CSMD1: variants seen among roughly 807,000 people sequenced by gnomAD.
CSMD1 encodes CUB and Sushi multiple domains 1, also known as CUB and sushi domain-containing protein 1.
CSMD1 carries 213 observed loss-of-function variants against 417.5 expected under a neutral mutation model. That is an observed-to-expected ratio of 0.51 (90% CI 0.46 to 0.57). CSMD1 has a LOEUF of 0.57. Ranked by LOEUF, CSMD1 falls within the 20% of genes least tolerant of loss-of-function variation. The probability of loss-of-function intolerance (pLI) is 0.00; values close to 1 mark genes in which losing one functional copy is unlikely to be tolerated. For missense variants in CSMD1, 6,923 were observed against 4,529.7 expected (o/e 1.53, Z -15.17); for synonymous variants, 2,862 against 1,736.8 (o/e 1.65, Z -16.11).
chr8:3,865,464 C>G (rs112148054), intron 5 of CSMD1, among the ~76,000 whole-genome samples: 44 of 151,830 alleles, frequency 2.9e-4, no homozygotes, highest in African/African-American at 1.0e-3. Context: ...AGGTGCTCTT[C>G]AGAGATGGGA....
intron 21 of CSMD1, among the ~76,000 whole-genome samples, chr8:3,351,309 C>T (rs986084630): frequency 1.3e-5 from 2 of 152,040 alleles, no homozygotes; most frequent in African/African-American, 2.4e-5. Flanking sequence ...TATTAAATTG[C>T]TATGAAAGTA....
chr8:4,178,350 T>C (rs539866622), intron 3 of CSMD1, among the ~76,000 whole-genome samples: 273 of 151,244 alleles, frequency 1.8e-3, no homozygotes, highest in African/African-American at 6.5e-3. Context: ...TCTCAATAGA[T>C]GCAGAAAAGG....
chr8:3,078,219 C>A (rs1275585813), intron 49 of CSMD1, among the ~76,000 whole-genome samples: 1 of 152,266 alleles, frequency 6.6e-6, no homozygotes, highest in Middle Eastern at 3.4e-3. Flanking sequence ...AGGTCAAGGT[C>A]TTCATATCAC....
At chr8:3,448,799 C>G (rs1423130611) in intron 12 of CSMD1, among the ~76,000 whole-genome samples, 1 of 152,164 alleles carries the variant, frequency 6.6e-6, no homozygotes, top group African/African-American at 2.4e-5. Flanking sequence ...GTGACTTATT[C>G]TCAGTTATAT....
At chr8:4,342,980 T>C (rs564549562) in intron 3 of CSMD1, among the ~76,000 whole-genome samples, 2 of 152,190 alleles carry the variant, frequency 1.3e-5, no homozygotes, top group East Asian at 3.9e-4. Context: ...AGGTAGAGAA[T>C]TCCAAGCTGT....
intron 3 of CSMD1, among the ~76,000 whole-genome samples, chr8:4,036,931 T>G (rs535743707): frequency 2.0e-4 from 31 of 151,490 alleles, no homozygotes; most frequent in African/African-American, 7.3e-4. Context: ...GCATGTGCCC[T>G]GGATCCTAGT....
At chr8:4,471,848 T>C (rs551127482) in intron 2 of CSMD1, among the ~76,000 whole-genome samples, 1 of 152,122 alleles carries the variant, frequency 6.6e-6, no homozygotes, top group East Asian at 1.9e-4. Flanking sequence ...AAGGAAGGTG[T>C]TTTCAATGAT....
intron 3 of CSMD1, among the ~76,000 whole-genome samples, chr8:4,315,447 G>C (rs562850921): frequency 2.0e-5 from 3 of 151,674 alleles, no homozygotes; most frequent in African/African-American, 7.3e-5. Flanking sequence ...ATAAATCAGT[G>C]AATGCAAAAA....
chr8:2,966,847 T>G (rs576876891), intron 57 of CSMD1, 101 bp from the exon 58 acceptor site: 25 of 1,074,882 alleles, frequency 2.3e-5, no homozygotes, highest in Non-Finnish European at 3.3e-5. Context: ...GACTACACAT[T>G]TATTACAAAC....
chr8:4,811,240 A>ATTCAATTTTATTGAAT lies in CSMD1; in HGVS notation c.86-173698_86-173683dup, dbSNP rs1798885197. On this transcript the variant is annotated intron_variant, in intron 1 of 69. Coordinates refer to ENST00000635120, the MANE Select transcript of CSMD1 (RefSeq NM_033225.6). ...AGGTTCAACAAGAGAACTGAAGACAATTCAATTTTATTGAATTTCAATTTA... is the reference window on the plus strand; with the variant it reads ...AGGTTCAACAAGAGAACTGAAGACAATTCAATTTTATTGAATTTCAATTTTATTGAATTTCAATTTA... Among the ~76,000 whole-genome samples the ATTCAATTTTATTGAAT allele has an allele frequency of 2.6e-5, 4 of 152,318 alleles. No individual in the cohort carries two copies. In the East Asian group the frequency reaches 7.7e-4, roughly 29 times the overall value.
intron 2 of CSMD1, among the ~76,000 whole-genome samples, chr8:4,569,551 G>C (rs919525761): frequency 6.6e-6 from 1 of 152,130 alleles, no homozygotes; most frequent in Non-Finnish European, 1.5e-5. Flanking sequence ...CTCTTGTCTT[G>C]TAATATAGTT....
chr8:3,299,057 A>C (rs1804183565), intron 25 of CSMD1, among the ~76,000 whole-genome samples: 1 of 152,172 alleles, frequency 6.6e-6, no homozygotes, highest in Non-Finnish European at 1.5e-5. Context: ...TGATACAACA[A>C]AACTTAAATG....
At chr8:3,955,845 C>T (rs368942660) in intron 5 of CSMD1, among the ~76,000 whole-genome samples, 1 of 152,230 alleles carries the variant, frequency 6.6e-6, no homozygotes, top group Non-Finnish European at 1.5e-5. Context: ...CCCTGCCACA[C>T]TGAGATCTCT....
At chr8:3,016,668 T>A (rs1375091970) in intron 52 of CSMD1, among the ~76,000 whole-genome samples, 1 of 152,236 alleles carries the variant, frequency 6.6e-6, no homozygotes, top group Non-Finnish European at 1.5e-5. Flanking sequence ...ATACTCTATG[T>A]CTCTTCCAAT....
intron 6 of CSMD1, among the ~76,000 whole-genome samples, chr8:3,714,779 T>C (rs532142807): frequency 7.2e-5 from 11 of 152,058 alleles, no homozygotes; most frequent in African/African-American, 2.7e-4. Context: ...TAATGGCTTA[T>C]TGGTTATTTG....
In CSMD1 at chr8:3,167,959, G is replaced by A. The variant is rs972262209; in HGVS notation, c.5726-5682C>T. Among the ~76,000 whole-genome samples, 15 of 151,994 alleles carry A rather than the reference G, an allele frequency of 9.9e-5. No individual in the cohort carries two copies. In the South Asian group the frequency reaches 2.9e-3, roughly 29 times the overall value. ...CAAATACTTAAAACAGGACAAATGG[G>A]ACTTTTGTAGATATTATGAACTGAA... On this transcript the variant is annotated intron_variant, in intron 37 of 69. Coordinates refer to ENST00000635120, the MANE Select transcript of CSMD1 (RefSeq NM_033225.6).
chr8:4,355,709 A>G (rs915550070), intron 3 of CSMD1, among the ~76,000 whole-genome samples: 18 of 152,188 alleles, frequency 1.2e-4, no homozygotes, highest in African/African-American at 4.1e-4. Flanking sequence ...CTCCAAGTTA[A>G]GGGTCCAGCA....
At chr8:4,411,463 C>G (rs190683206) in intron 3 of CSMD1, among the ~76,000 whole-genome samples, 7 of 152,254 alleles carry the variant, frequency 4.6e-5, no homozygotes, top group Admixed American at 3.3e-4. Flanking sequence ...ATTTTTCATT[C>G]AAATTCCAAT....
At chr8:2,960,972 A>C (rs1196059295) in intron 62 of CSMD1, among the ~76,000 whole-genome samples, 169 bp downstream of exon 62, 6 of 147,502 alleles carry the variant, frequency 4.1e-5, no homozygotes, top group African/African-American at 1.5e-4. Context: ...ATATACATAT[A>C]TTGATTTTGA....
Sources: allele counts gnomAD v4.1 joint callset (sites outside exome capture counted in the v4.1 genomes callset), GRCh38; gene constraint gnomAD v4.1.1; transcripts MANE v1.5; gene names NCBI Gene and HGNC (gene_info 2026-07-23, HGNC 2026-07-21).